The following GAB1 variants were observed in gnomAD, a reference collection of about 807,000 sequenced individuals.
GAB1 encodes GRB2-associated-binding protein 1.
Under a neutral mutation model 66.5 loss-of-function variants are expected in GAB1, and 19 were observed. The ratio of observed to expected loss-of-function variants is 0.29; its 90% CI spans 0.20 to 0.42. The LOEUF is 0.42. GAB1 is among the 10% of genes least tolerant of loss of function. GAB1 has a pLI of 1.00. For missense variants in GAB1, 732 were observed against 858.5 expected, an observed-to-expected ratio of 0.85 and a Z score of 1.84; for synonymous variants, 294 against 301.4, an observed-to-expected ratio of 0.98 and a Z score of 0.25.
chr4:143,424,220 T>G (rs557859611), intron 2 of GAB1, among the ~76,000 whole-genome samples: 21 of 152,300 alleles, frequency 1.4e-4, no homozygotes, highest in Non-Finnish European at 2.9e-4. Flanking sequence ...AGTAGTGTTT[T>G]TTGGTCAGAA....
rs558218046 is a variant in GAB1, at chr4:143,428,695, T to C, written c.368-4796T>C. Among the ~76,000 whole-genome samples the C allele has an allele frequency of 2.6e-3, 399 of 152,226 alleles. 1 individual carries two copies. Among genetic ancestry groups the C allele is most frequent in the African/African-American group, 8.8e-3 (364 of 41,554 alleles). ...AGAACTTAAAAACAACTAATGGGTC[T>C]AGAATATAATGACAAATGTATGAGA... On this transcript the variant is annotated intron_variant, in intron 2 of 9. Coordinates refer to ENST00000262994, the MANE Select transcript of GAB1 (RefSeq NM_002039.4).
chr4:143,466,489 T>TA (rs1205984034), intron 9 of GAB1, among the ~76,000 whole-genome samples: 1 of 135,794 alleles, frequency 7.4e-6, no homozygotes, highest in Non-Finnish European at 1.6e-5. Flanking sequence ...TCTTTTTTTT[T>TA]TTTTTTTTTT....
chr4:143,384,095 GTGAAA>G (rs1162163932), intron 1 of GAB1, among the ~76,000 whole-genome samples: 1 of 151,998 alleles, frequency 6.6e-6, no homozygotes, highest in African/African-American at 2.4e-5. Flanking sequence ...AAAAAGATAT[GTGAAA>G]TTAAAAAGTC....
intron 1 of GAB1, among the ~76,000 whole-genome samples, chr4:143,371,556 A>C (rs1730121787): frequency 1.3e-5 from 2 of 152,118 alleles, no homozygotes; most frequent in African/African-American, 4.8e-5. Flanking sequence ...TAGTTTAATT[A>C]GATCCCATTT....
intron 2 of GAB1, among the ~76,000 whole-genome samples, chr4:143,417,108 A>G (rs566708627): frequency 6.6e-6 from 1 of 152,314 alleles, no homozygotes; most frequent in African/African-American, 2.4e-5. Flanking sequence ...AAGCTTCTGA[A>G]AGGAAAATAA....
chr4:143,442,020 A>G (rs1252677062), intron 6 of GAB1, among the ~76,000 whole-genome samples: 1 of 152,222 alleles, frequency 6.6e-6, no homozygotes, highest in Admixed American at 6.5e-5. Context: ...GAGGCTTTCT[A>G]TCGGATAATG....
chr4:143,447,883 C>T (rs1012181672), intron 6 of GAB1, among the ~76,000 whole-genome samples: 111 of 152,172 alleles, frequency 7.3e-4, no homozygotes, highest in Non-Finnish European at 2.1e-4. Context: ...AAAGGGAATG[C>T]TTCCAATTTT....
chr4:143,418,928 C>A (rs1340171178), intron 2 of GAB1, among the ~76,000 whole-genome samples: 2 of 152,108 alleles, frequency 1.3e-5, no homozygotes, highest in Non-Finnish European at 2.9e-5. Context: ...ATTTGGGAGC[C>A]TGACAAACAC....
At chr4:143,444,548 T>C (rs1734407704) in intron 6 of GAB1, among the ~76,000 whole-genome samples, 2 of 152,200 alleles carry the variant, frequency 1.3e-5, no homozygotes, top group African/African-American at 2.4e-5. Flanking sequence ...TTTCAAGAGA[T>C]CTTTTAAAGT....
At chr4:143,460,931 G>A (rs971787606) in intron 8 of GAB1, among the ~76,000 whole-genome samples, 17 of 152,202 alleles carry the variant, frequency 1.1e-4, no homozygotes, top group African/African-American at 3.6e-4. Flanking sequence ...ATTCTCTAAG[G>A]CCATGTCACA....
At chr4:143,450,773 C>A in intron 6 of GAB1, among the ~76,000 whole-genome samples, 1 of 152,088 alleles carries the variant, frequency 6.6e-6, no homozygotes, top group East Asian at 1.9e-4. Flanking sequence ...TGCCTGTAAT[C>A]CCAGCTACTT....
At chr4:143,453,047 T>C (rs1476070036) in intron 6 of GAB1, among the ~76,000 whole-genome samples, 2 of 152,188 alleles carry the variant, frequency 1.3e-5, no homozygotes, top group African/African-American at 2.4e-5. Flanking sequence ...CCTTGGACTT[T>C]TTTTCTCGTT....
intron 1 of GAB1, among the ~76,000 whole-genome samples, chr4:143,385,834 A>G (rs1387027096): frequency 1.3e-5 from 2 of 152,178 alleles, no homozygotes; most frequent in Non-Finnish European, 2.9e-5. Flanking sequence ...CAAATTAAGT[A>G]TAGTTTGTAA....
chr4:143,421,698 C>CTTTTTTTTTTTTTTTTTTTTTTTTTTT (rs70953733), intron 2 of GAB1, among the ~76,000 whole-genome samples: 21 of 118,694 alleles, frequency 1.8e-4, no homozygotes, highest in South Asian at 2.9e-4. Context: ...CTTTTCTTTT[C>CTTTTTTTTTTTTTTTTTTTTTTTTTTT]TTTTTTTTTT....
intron 3 of GAB1, among the ~76,000 whole-genome samples, chr4:143,435,741 AAG>A (rs1373938597): frequency 1.3e-5 from 2 of 152,336 alleles, no homozygotes; most frequent in East Asian, 3.9e-4. Flanking sequence ...AAGAGTTGCT[AAG>A]AAGTGAAAAC....
At position 143,409,389 on chromosome 4, in the gene GAB1, C is replaced by CCG. The variant is rs1732241393; in HGVS notation, c.73-6087_73-6086insGC. ...CTTCAATAACAACTTTGAACTTTCC[C>CCG]CCCCCCCGCTCTGAAATCTTTTCAT... On this transcript the variant is annotated intron_variant, in intron 1 of 9. Transcript: ENST00000262994. Among the ~76,000 whole-genome samples the CCG allele has an allele frequency of 2.1e-5, 3 of 146,322 alleles. 1 individual carries two copies. Among genetic ancestry groups the CCG allele is most frequent in the African/African-American group, 7.6e-5 (3 of 39,250 alleles).
In GAB1 at chr4:143,438,165, G is replaced by A. The variant is rs1734030195; in HGVS notation, c.760G>A (p.Val254Ile). Reference sequence around the variant, plus strand: ...ACCTTCACGTGCCCCATCTGCTTCAGTTGACTCCAGCCTTTATAACCTGCC... The same window carrying A: ...ACCTTCACGTGCCCCATCTGCTTCAATTGACTCCAGCCTTTATAACCTGCC... ...SPPSRAPSAS[V>I]DSSLYNLPRS... Residue 254 changes from valine to isoleucine, a missense_variant, in exon 4 of 10, where the codon GTT becomes ATT. By Grantham distance (29) the Val-to-Ile change is conservative. This residue lies in a region of GAB1 where 427 missense variants were observed against 420.6 expected (regional missense o/e 1.02). Transcript: ENST00000262994. The A allele has an allele frequency of 6.2e-7, 1 of 1,613,836 alleles. No individual in the cohort carries two copies.
Position 143,472,096 on chromosome 4 carries a change from A to G in GAB1, c.*2907A>G, listed in dbSNP as rs545502192. On this transcript the variant is annotated 3_prime_UTR_variant, in exon 10 of 10. Coordinates refer to ENST00000262994, the MANE Select transcript of GAB1 (RefSeq NM_002039.4). ...ATACTGAAGCACAGTTCTGCTTTCA[A>G]AAATTAAAATTCAAACTTGAAAAAG... is the stretch of plus-strand genomic sequence containing the variant. 2.0e-5 allele frequency: 3 copies of G among 152,336 alleles called. No homozygotes were observed. In the South Asian group the frequency reaches 6.2e-4, roughly 32 times the overall value. The allele number at this position is 152,336 out of a possible 1,614,324, so 9.4% of individuals were successfully genotyped here. A position where few individuals can be genotyped will look rare whatever the true frequency, so the allele number is the denominator to read the frequency against.
intron 2 of GAB1, among the ~76,000 whole-genome samples, chr4:143,416,386 C>T (rs944670584): frequency 4.6e-5 from 7 of 151,972 alleles, no homozygotes; most frequent in Admixed American, 1.3e-4. Context: ...CCAGCCTTGG[C>T]GACAGAGCGA....
Sources: gnomAD v4.1 joint callset for allele counts (sites outside exome capture counted in the v4.1 genomes callset) on GRCh38, gnomAD v4.1.1 for gene constraint, gnomAD v4.1.1 regional missense constraint, MANE v1.5 for transcripts, NCBI Gene and HGNC (gene_info 2026-07-23, HGNC 2026-07-21) for gene names.